The following CDH12 variants were observed in gnomAD, a reference collection of about 807,000 sequenced individuals.
CDH12 encodes cadherin-12.
In CDH12, 41 loss-of-function variants were observed where a neutral mutation model predicts 74.1. The ratio of observed to expected loss-of-function variants is 0.55; its 90% CI spans 0.43 to 0.72. CDH12 has a LOEUF of 0.72. Ranked by LOEUF, CDH12 falls within the 30% of genes least tolerant of loss-of-function variation. CDH12 has a pLI of 0.00. For missense variants in CDH12, 945 were observed against 977.2 expected, an observed-to-expected ratio of 0.97 and a Z score of 0.44; for synonymous variants, 399 against 355.0, an observed-to-expected ratio of 1.12 and a Z score of -1.39.
chr5:22,283,658 C>T (rs963723767), intron 3 of CDH12, among the ~76,000 whole-genome samples: 1 of 151,768 alleles, frequency 6.6e-6, no homozygotes, highest in Non-Finnish European at 1.5e-5. Flanking sequence ...AAAGTTTCAG[C>T]TAGACAGAAG....
At chr5:22,704,532 A>C (rs1742883393) in intron 1 of CDH12, among the ~76,000 whole-genome samples, 1 of 152,136 alleles carries the variant, frequency 6.6e-6, no homozygotes, top group Non-Finnish European at 1.5e-5. Flanking sequence ...ACTGGGAAAT[A>C]GTAAACTTTA....
chr5:22,330,228 G>A (rs1194864658), intron 3 of CDH12, among the ~76,000 whole-genome samples: 2 of 152,086 alleles, frequency 1.3e-5, no homozygotes, highest in Admixed American at 6.5e-5. Context: ...GTAGCTCCAG[G>A]ATGACATTCC....
At chr5:22,220,540 T>C (rs1751978072) in intron 3 of CDH12, among the ~76,000 whole-genome samples, 1 of 151,674 alleles carries the variant, frequency 6.6e-6, no homozygotes, top group South Asian at 2.1e-4. Context: ...ATTGGCATTG[T>C]TATTTTGGTG....
chr5:22,210,019 C>T (rs918605882), intron 4 of CDH12, among the ~76,000 whole-genome samples: 1 of 147,136 alleles, frequency 6.8e-6, no homozygotes, highest in Non-Finnish European at 1.5e-5. Flanking sequence ...CAAATAACAT[C>T]CATGTTAACA....
intron 3 of CDH12, among the ~76,000 whole-genome samples, chr5:22,349,978 T>C (rs1740291512): frequency 6.6e-6 from 1 of 152,172 alleles, no homozygotes; most frequent in South Asian, 2.1e-4. Flanking sequence ...TGCAAACCTT[T>C]TGGGAGCAAC....
chr5:22,299,214 C>G, intron 3 of CDH12, among the ~76,000 whole-genome samples: 1 of 151,908 alleles, frequency 6.6e-6, no homozygotes, highest in African/African-American at 2.4e-5. Flanking sequence ...AGTAAGGAAC[C>G]CAATGTAGTT....
intron 1 of CDH12, among the ~76,000 whole-genome samples, chr5:22,772,958 G>T (rs1746888870): frequency 6.6e-6 from 1 of 151,970 alleles, no homozygotes; most frequent in Non-Finnish European, 1.5e-5. Context: ...GGAGGTGAAA[G>T]ATCTCTACAA....
At chr5:21,816,225 G>A (rs1748033134) in intron 9 of CDH12, among the ~76,000 whole-genome samples, 1 of 152,080 alleles carries the variant, frequency 6.6e-6, no homozygotes, top group African/African-American at 2.4e-5. Context: ...TGAGGATGAA[G>A]ACCTTTATGA....
intron 1 of CDH12, among the ~76,000 whole-genome samples, chr5:22,827,586 C>A (rs1281921878): frequency 6.6e-6 from 1 of 152,128 alleles, no homozygotes; most frequent in Non-Finnish European, 1.5e-5. Flanking sequence ...AGGAGTCAAA[C>A]CTAGGTAGTC....
At chr5:22,719,076 G>A (rs542889666) in intron 1 of CDH12, among the ~76,000 whole-genome samples, 2 of 152,304 alleles carry the variant, frequency 1.3e-5, no homozygotes, top group African/African-American at 4.8e-5. Flanking sequence ...GCTAGTCTGA[G>A]GTAGAAGTGG....
At chr5:22,851,562 G>C (rs1737558327) in intron 1 of CDH12, among the ~76,000 whole-genome samples, 1 of 152,116 alleles carries the variant, frequency 6.6e-6, no homozygotes, top group Non-Finnish European at 1.5e-5. Flanking sequence ...TACTTCAGTA[G>C]TTTTCATAGA....
chr5:22,437,551 T>TAATAAATA (rs61578838), intron 2 of CDH12, among the ~76,000 whole-genome samples: 58,614 of 148,428 alleles, frequency 0.39, 12,535 homozygotes, highest in Admixed American at 0.6. Flanking sequence ...AATTTAAAAA[T>TAATAAATA]AATAAATAAA....
At chr5:22,436,688 G>T (rs183692916) in intron 2 of CDH12, among the ~76,000 whole-genome samples, 175 of 152,052 alleles carry the variant, frequency 1.2e-3, no homozygotes, top group Middle Eastern at 0.01. Context: ...AGAACCATGA[G>T]TCCATGCTTT....
intron 1 of CDH12, among the ~76,000 whole-genome samples, chr5:22,677,703 G>C (rs1164712815): frequency 6.6e-6 from 1 of 152,116 alleles, no homozygotes; most frequent in Admixed American, 6.6e-5. Context: ...CTATGAAGCT[G>C]TTCCTCCCAA....
At chr5:22,390,364 G>T (rs554942154) in intron 3 of CDH12, among the ~76,000 whole-genome samples, 1 of 152,168 alleles carries the variant, frequency 6.6e-6, no homozygotes, top group South Asian at 2.1e-4. Context: ...TACTTCAAAT[G>T]ATCATAATTT....
At chr5:22,772,616 A>G (rs1746866795) in intron 1 of CDH12, among the ~76,000 whole-genome samples, 1 of 152,122 alleles carries the variant, frequency 6.6e-6, no homozygotes, top group Non-Finnish European at 1.5e-5. Flanking sequence ...TAAATAAACA[A>G]GTTGCACATA....
intron 6 of CDH12, among the ~76,000 whole-genome samples, chr5:21,874,672 C>T (rs575714894): frequency 1.1e-4 from 17 of 152,148 alleles, no homozygotes; most frequent in Non-Finnish European, 2.1e-4. Context: ...ACAGCTTGAG[C>T]TGAGCTTTGC....
At chr5:22,698,739 T>TA (rs1561586186) in intron 1 of CDH12, among the ~76,000 whole-genome samples, 3 of 27,708 alleles carry the variant, frequency 1.1e-4, no homozygotes, top group East Asian at 2.1e-3. Flanking sequence ...ATATATAGTG[T>TA]GTGTGTGTGT....
intron 8 of CDH12, among the ~76,000 whole-genome samples, chr5:21,824,195 T>C (rs963168386): frequency 6.6e-6 from 1 of 152,086 alleles, no homozygotes; most frequent in Non-Finnish European, 1.5e-5. Context: ...CCTTTCTCTG[T>C]CCAAATTTTT....
Sources: allele counts gnomAD v4.1 joint callset (sites outside exome capture counted in the v4.1 genomes callset), GRCh38; gene constraint gnomAD v4.1.1; transcripts MANE v1.5; gene names NCBI Gene and HGNC (gene_info 2026-07-23, HGNC 2026-07-21).